NRXN3: variants seen among roughly 807,000 people sequenced by gnomAD.
NRXN3 encodes neurexin 3, also known as neurexin III.
NRXN3 carries 32 observed loss-of-function variants against 137.6 expected under a neutral mutation model. The observed-to-expected ratio is 0.23, with a 90% confidence interval of 0.18 to 0.31. The LOEUF (loss-of-function observed/expected upper bound fraction) is 0.31, where lower values mean the gene tolerates loss of function less well. Ranked by LOEUF, NRXN3 falls within the 10% of genes least tolerant of loss-of-function variation. The pLI, the probability that NRXN3 is intolerant of heterozygous loss-of-function variation, is 1.00. For missense variants in NRXN3, 1,574 were observed against 2,062.5 expected, an observed-to-expected ratio of 0.76 and a Z score of 4.59; for synonymous variants, 798 against 784.5, an observed-to-expected ratio of 1.02 and a Z score of -0.29.
intron 15 of NRXN3, among the ~76,000 whole-genome samples, chr14:79,268,181 C>G (rs981854299): frequency 1.3e-5 from 2 of 152,202 alleles, no homozygotes; most frequent in South Asian, 4.1e-4. Flanking sequence ...TTTTAAATCA[C>G]AGATTTGTCA....
At chr14:78,251,162 G>T (rs958763487) in intron 2 of NRXN3, among the ~76,000 whole-genome samples, 2 of 152,132 alleles carry the variant, frequency 1.3e-5, no homozygotes, top group African/African-American at 4.8e-5. Flanking sequence ...GGTTTCCCAG[G>T]TACCAGGCAA....
intron 9 of NRXN3, among the ~76,000 whole-genome samples, chr14:78,809,422 T>C (rs546816037): frequency 6.6e-6 from 1 of 152,290 alleles, no homozygotes; most frequent in Admixed American, 6.5e-5. Flanking sequence ...CTTGATTCAG[T>C]CTGCGTATTC....
In NRXN3 at chr14:78,242,994, C is replaced by T; in HGVS notation, c.-100C>T. 1 of 812,316 alleles carries T rather than the reference C, an allele frequency of 1.2e-6. No individual in the cohort carries two copies. Among genetic ancestry groups the T allele is most frequent in the East Asian group, 2.7e-5 (1 of 37,306 alleles). The allele number at this position is 812,316 out of a possible 1,614,324, so 50.3% of individuals were successfully genotyped here. ...TCCTGTGTGCTTTCTGTCCCCCCAT[C>T]TCTGTCTTGTCTTTCCCACTTCTAT... On this transcript the variant is annotated 5_prime_UTR_variant, in exon 2 of 21. Coordinates refer to ENST00000335750, the MANE Select transcript of NRXN3 (RefSeq NM_001330195.2).
intron 18 of NRXN3, among the ~76,000 whole-genome samples, chr14:79,693,725 C>T (rs1031901401): frequency 1.5e-4 from 22 of 149,818 alleles, no homozygotes; most frequent in Admixed American, 3.3e-4. Flanking sequence ...AATTGTTACC[C>T]GTTGGCTTTC....
chr14:79,801,701 A>C (rs761503806), intron 19 of NRXN3, among the ~76,000 whole-genome samples: 2 of 152,182 alleles, frequency 1.3e-5, no homozygotes, highest in Non-Finnish European at 2.9e-5. Flanking sequence ...CATTGCTAGG[A>C]GCTACTGGTA....
intron 1 of NRXN3, among the ~76,000 whole-genome samples, chr14:78,198,119 T>A (rs917680966): frequency 6.6e-6 from 1 of 152,154 alleles, no homozygotes; most frequent in Non-Finnish European, 1.5e-5. Context: ...CAGCTCTGGG[T>A]GGGGAAATGC....
At chr14:79,368,729 C>CT (rs1042443065) in intron 15 of NRXN3, among the ~76,000 whole-genome samples, 1 of 152,196 alleles carries the variant, frequency 6.6e-6, no homozygotes, top group Admixed American at 6.5e-5. Context: ...AATCTTATAA[C>CT]TTCCCACCTA....
intron 15 of NRXN3, among the ~76,000 whole-genome samples, chr14:79,408,959 C>T (rs2095364308): frequency 6.6e-6 from 1 of 151,990 alleles, no homozygotes; most frequent in East Asian, 1.9e-4. Context: ...AAAAGCACTC[C>T]TACTGGCCAT....
At chr14:78,280,525 C>A (rs1055347006) in intron 3 of NRXN3, among the ~76,000 whole-genome samples, 1 of 152,128 alleles carries the variant, frequency 6.6e-6, no homozygotes, top group East Asian at 1.9e-4. Flanking sequence ...TGCCACGTGG[C>A]GGCTTCTCTT....
intron 19 of NRXN3, among the ~76,000 whole-genome samples, chr14:79,726,091 A>G (rs1057304027): frequency 2.6e-5 from 4 of 152,148 alleles, no homozygotes; most frequent in Admixed American, 1.3e-4. Context: ...ATTTGTGCCA[A>G]TCTCTTTTAC....
At chr14:79,855,706 A>G (rs985977155) in intron 20 of NRXN3, among the ~76,000 whole-genome samples, 1 of 152,182 alleles carries the variant, frequency 6.6e-6, no homozygotes, top group Non-Finnish European at 1.5e-5. Context: ...GTGATTATGT[A>G]AGTGTTTATA....
intron 15 of NRXN3, among the ~76,000 whole-genome samples, chr14:79,052,230 T>A (rs2099642997): frequency 2.0e-5 from 3 of 152,216 alleles, no homozygotes; most frequent in Non-Finnish European, 4.4e-5. Context: ...AAACTAATTC[T>A]GTACATTTAC....
chr14:79,504,639 T>TA lies in NRXN3; in HGVS notation c.3444+37237_3444+37238insA, dbSNP rs60009832. On this transcript the variant is annotated intron_variant, in intron 16 of 20. Transcript: ENST00000335750. ...TAAACTTCCATTATAAAATGAAGTT[T>TA]TTTATATATATATATGTATATATAT... Among the ~76,000 whole-genome samples the TA allele has an allele frequency of 6.3e-3, 584 of 93,362 alleles. 33 individuals are homozygous for TA. The highest frequency in any genetic ancestry group is 0.014 in the East Asian group (48 of 3,350). 61.2% of individuals were successfully genotyped at this position (93,362 alleles called of 152,430 possible). A position where few individuals can be genotyped will look rare whatever the true frequency, so the allele number is the denominator to read the frequency against.
rs147736157 is a variant in NRXN3, at chr14:78,709,634, A to T, written c.1639A>T (p.Ile547Phe). The T allele has an allele frequency of 1.2e-6, 2 of 1,611,764 alleles. No homozygotes were observed. The highest frequency in any genetic ancestry group is 1.7e-6 in the Non-Finnish European group (2 of 1,179,134). The change falls in exon 7 of 21, where the codon ATT becomes TTT. Residue 547 changes from isoleucine to phenylalanine, a missense_variant. This residue lies in a region of NRXN3 where 718 missense variants were observed against 887.6 expected (regional missense o/e 0.81). Coordinates refer to ENST00000335750, the MANE Select transcript of NRXN3 (RefSeq NM_001330195.2). ...ANDGEWYHVD[I>F]QRDGRSGTIS... ...TGATGGGGAATGGTACCATGTGGAC[A>T]TTCAGCGAGATGGCAGATCAGGTAG...
chr14:78,221,617 A>G (rs1465536139), intron 1 of NRXN3, among the ~76,000 whole-genome samples: 1 of 152,234 alleles, frequency 6.6e-6, no homozygotes, highest in African/African-American at 2.4e-5. Flanking sequence ...TAGCTTCCAC[A>G]TCTGGAGGCA....
intron 4 of NRXN3, among the ~76,000 whole-genome samples, chr14:78,377,631 A>G (rs1182361523): frequency 6.6e-6 from 1 of 152,216 alleles, no homozygotes; most frequent in East Asian, 1.9e-4. Flanking sequence ...TGAAAGTCCA[A>G]GAGAGAGGTG....
At chr14:79,797,809 T>C (rs915805999) in intron 19 of NRXN3, among the ~76,000 whole-genome samples, 2 of 152,096 alleles carry the variant, frequency 1.3e-5, no homozygotes, top group East Asian at 1.9e-4. Context: ...ATAAAAATCA[T>C]TGGCAAGACA....
chr14:79,668,552 C>T (rs1364448081), intron 17 of NRXN3, among the ~76,000 whole-genome samples: 5 of 152,108 alleles, frequency 3.3e-5, no homozygotes, highest in Non-Finnish European at 7.4e-5. Context: ...TTTCCTATTT[C>T]TCAGAGCCAC....
intron 15 of NRXN3, among the ~76,000 whole-genome samples, chr14:79,420,264 A>G (rs2095556624): frequency 6.6e-6 from 1 of 152,178 alleles, no homozygotes; most frequent in Non-Finnish European, 1.5e-5. Flanking sequence ...TACACAGTGA[A>G]GTAAATTTCC....
Sources: gnomAD v4.1 joint callset for allele counts (sites outside exome capture counted in the v4.1 genomes callset) on GRCh38, gnomAD v4.1.1 for gene constraint, gnomAD v4.1.1 regional missense constraint, MANE v1.5 for transcripts, NCBI Gene and HGNC (gene_info 2026-07-23, HGNC 2026-07-21) for gene names.